CSNK1D: variants seen among roughly 807,000 people sequenced by gnomAD.
CSNK1D encodes the protein casein kinase 1 delta.
In CSNK1D, 16 loss-of-function variants were observed where a neutral mutation model predicts 46.6. That is an observed-to-expected ratio of 0.34 (90% CI 0.23 to 0.52). The LOEUF (loss-of-function observed/expected upper bound fraction) is 0.52, where lower values mean the gene tolerates loss of function less well. Ranked by LOEUF, CSNK1D falls within the 20% of genes least tolerant of loss-of-function variation. CSNK1D has a pLI of 0.95. For synonymous variants in CSNK1D, 276 were observed against 228.2 expected, an observed-to-expected ratio of 1.21 and a Z score of -1.89; for missense variants, 398 against 578.4, an observed-to-expected ratio of 0.69 and a Z score of 3.20.
In CSNK1D at chr17:82,244,679, A is replaced by G; in HGVS notation, c.*102T>C. 6.3e-7 allele frequency: 1 copy of G among 1,593,882 alleles called. No homozygotes were observed. The highest frequency in any genetic ancestry group is 1.3e-5 in the African/African-American group (1 of 74,846). On this transcript the variant is annotated 3_prime_UTR_variant, in exon 9 of 9. Transcript: ENST00000314028. ...GTGGCCTGGAGAGCTCCCGGTGTTA[A>G]CATTTCGATCCTAGACCGGGGGACG...
chr17:82,241,140 G>A (rs982275457), downstream of CSNK1D, among the ~76,000 whole-genome samples: 1 of 152,170 alleles, frequency 6.6e-6, no homozygotes, highest in Non-Finnish European at 1.5e-5. Flanking sequence ...GGGGGGCAGA[G>A]GGCGCACAGA....
intron 2 of CSNK1D, among the ~76,000 whole-genome samples, chr17:82,261,501 A>AT (rs2051339125): frequency 6.6e-6 from 1 of 152,258 alleles, no homozygotes; most frequent in African/African-American, 2.4e-5. Context: ...GGGACTGAGC[A>AT]TTAATGCAAA....
chr17:82,244,201 T>G lies in CSNK1D; in HGVS notation c.*580A>C, dbSNP rs1170020643. 1 of 1,022,792 alleles carries G rather than the reference T, an allele frequency of 9.8e-7. No homozygotes were observed. Among genetic ancestry groups the G allele is most frequent in the African/African-American group, 1.7e-5 (1 of 58,280 alleles). 63.4% of individuals were successfully genotyped at this position (1,022,792 alleles called of 1,614,324 possible). ...CTCTCCAAAGCGGACAATAAAACACTGCAAAACAAACACAGCACACACCCT... is the reference window on the plus strand; with the variant it reads ...CTCTCCAAAGCGGACAATAAAACACGGCAAAACAAACACAGCACACACCCT... On this transcript the variant is annotated 3_prime_UTR_variant, in exon 9 of 9. Transcript: ENST00000314028.
Position 82,248,818 on chromosome 17 carries a change from CTT to C in CSNK1D, c.1197+55_1197+56del, listed in dbSNP as rs898454839. ...AGCCCTGGAGAAACCACAGCCCGCTCTTGACTCGGACGGGGTAGCCCGAGGCC... is the reference window on the plus strand; with the variant it reads ...AGCCCTGGAGAAACCACAGCCCGCTCGACTCGGACGGGGTAGCCCGAGGCC... On this transcript the variant is annotated intron_variant, in intron 8 of 8. Coordinates refer to ENST00000314028, the MANE Select transcript of CSNK1D (RefSeq NM_001893.6). This position sits in a 1 kb window ranked among gnomAD's most constrained non-coding sequence, Gnocchi z 4.1. 6.3e-6 allele frequency: 10 copies of C among 1,578,902 alleles called. No homozygotes were observed. The highest frequency in any genetic ancestry group is 5.3e-5 in the Admixed American group (3 of 56,412).
intron 1 of CSNK1D, 28 bp from the exon 2 acceptor site, chr17:82,265,824 GA>G: frequency 6.5e-7 from 1 of 1,543,656 alleles, no homozygotes; most frequent in Non-Finnish European, 9.0e-7. Context: ...ACCACAACAG[GA>G]ATTACCTGGT....
At position 82,249,022 on chromosome 17, in the gene CSNK1D, CAG is replaced by C; in HGVS notation, c.1058-10_1058-9del. The C allele has an allele frequency of 1.9e-6, 3 of 1,554,916 alleles. No homozygotes were observed. Among genetic ancestry groups the C allele is most frequent in the Non-Finnish European group, 2.6e-6 (3 of 1,148,730 alleles). On this transcript the variant is annotated splice_polypyrimidine_tract_variant and intron_variant, in intron 7 of 8. Transcript: ENST00000314028. The surrounding 1 kb of genome is among the most constrained non-coding windows in gnomAD (Gnocchi z 6.7). ...GCCGGGGGGAGGTGTTAGCTGAGGACAGGGAGAGAAACGGAGTGGGCCGCCCC... is the reference window on the plus strand; with the variant it reads ...GCCGGGGGGAGGTGTTAGCTGAGGACGGAGAGAAACGGAGTGGGCCGCCCC...
In CSNK1D at chr17:82,249,333, T is replaced by TA. The variant is rs1823166386; in HGVS notation, c.1057+97dup. 3.9e-6 allele frequency: 5 copies of TA among 1,267,456 alleles called. No individual in the cohort carries two copies. The highest frequency in any genetic ancestry group is 4.0e-5 in the Admixed American group (2 of 49,400). The allele number at this position is 1,267,456 out of a possible 1,614,324, so 78.5% of individuals were successfully genotyped here. On this transcript the variant is annotated intron_variant, in intron 7 of 8. Coordinates refer to ENST00000314028, the MANE Select transcript of CSNK1D (RefSeq NM_001893.6). The surrounding 1 kb of genome is among the most constrained non-coding windows in gnomAD (Gnocchi z 6.7). ...CGAGCATCGCCTGACACAGGGCACT[T>TA]AGTGTCCACCACCAAGTACCCTGTT... is the stretch of plus-strand genomic sequence containing the variant.
downstream of CSNK1D, chr17:82,242,603 C>G (rs2050756672): frequency 1.0e-6 from 1 of 965,130 alleles, no homozygotes; most frequent in South Asian, 4.8e-5. Flanking sequence ...TCACACAGTT[C>G]ACCTCAACAC....
Position 82,244,896 on chromosome 17 carries a change from A to C in CSNK1D, c.1198-65T>G. 5 of 1,607,528 alleles carry C rather than the reference A, an allele frequency of 3.1e-6. No homozygotes were observed. In the South Asian group the frequency reaches 4.4e-5, roughly 14 times the overall value. On this transcript the variant is annotated intron_variant, in intron 8 of 8. Coordinates refer to ENST00000314028, the MANE Select transcript of CSNK1D (RefSeq NM_001893.6). Reference sequence around the variant, plus strand: ...TGGGGGAGCCGGCCAGGCAGATACCACAGTGACGGTGCTGGGCAGGGAGGG... The same window carrying C: ...TGGGGGAGCCGGCCAGGCAGATACCCCAGTGACGGTGCTGGGCAGGGAGGG...
At position 82,248,919 on chromosome 17, in the gene CSNK1D, C is replaced by A; in HGVS notation, c.1153G>T (p.Asp385Tyr). ...RGAPVNISSS[D>Y]LTGRQDTSRM... ...GAGGTATCTTGTCGGCCTGTGAGGT[C>A]GGACGAGGAGATGTTGACGGGGGCC... is the stretch of plus-strand genomic sequence containing the variant. Residue 385 changes from aspartate (D) to tyrosine (Y), a missense_variant, in exon 8 of 9, where the codon GAC becomes TAC. Transcript: ENST00000314028. This position sits in a 1 kb window ranked among gnomAD's most constrained non-coding sequence, Gnocchi z 4.1. 6.2e-7 allele frequency: 1 copy of A among 1,609,182 alleles called. No homozygotes were observed. The highest frequency in any genetic ancestry group is 8.5e-7 in the Non-Finnish European group (1 of 1,177,470).
At chr17:82,261,616 T>G (rs1005407431) in intron 2 of CSNK1D, among the ~76,000 whole-genome samples, 3 of 152,188 alleles carry the variant, frequency 2.0e-5, no homozygotes, top group Non-Finnish European at 4.4e-5. Context: ...AAGTTTCTTG[T>G]AGGATGACAA....
intron 8 of CSNK1D, chr17:82,245,560 C>T (rs559461522): frequency 2.2e-5 from 6 of 275,536 alleles, no homozygotes; most frequent in East Asian, 9.6e-5. Flanking sequence ...CAACACCAAG[C>T]GTGGAGCCAC....
In CSNK1D at chr17:82,244,144, A is replaced by G. The variant is rs750424709; in HGVS notation, c.*637T>C. 17 of 1,004,062 alleles carry G rather than the reference A, an allele frequency of 1.7e-5. No homozygotes were observed. Among genetic ancestry groups the G allele is most frequent in the Non-Finnish European group, 2.0e-5 (17 of 839,828 alleles). 62.2% of individuals were successfully genotyped at this position (1,004,062 alleles called of 1,614,324 possible). ...GAGGTCCCACCACACACGGGCACAC[A>G]CACACACCACGGACTTTTGATGAGA... On this transcript the variant is annotated 3_prime_UTR_variant, in exon 9 of 9. Transcript: ENST00000314028.
At position 82,255,544 on chromosome 17, in the gene CSNK1D, T is replaced by C; in HGVS notation, c.221A>G (p.Glu74Gly). Residue 74 changes from glutamate (E) to glycine (G), a missense_variant, in exon 3 of 9, where the codon GAG becomes GGG. Coordinates refer to ENST00000314028, the MANE Select transcript of CSNK1D (RefSeq NM_001893.6). This position sits in a 1 kb window ranked among gnomAD's most constrained non-coding sequence, Gnocchi z 5.9. ...CATCACCATGACGTTGTAGTCCCCCTCTGCCCCGCACCATCTGATGGTGGG... is the reference window on the plus strand; with the variant it reads ...CATCACCATGACGTTGTAGTCCCCCCCTGCCCCGCACCATCTGATGGTGGG... ...GIPTIRWCGAEGDYNVMVMEL... is the reference protein window; with the variant it reads ...GIPTIRWCGAGGDYNVMVMEL... The C allele has an allele frequency of 1.9e-6, 3 of 1,614,098 alleles. No homozygotes were observed. The highest frequency in any genetic ancestry group is 1.3e-5 in the African/African-American group (1 of 75,018).
chr17:82,265,946 G>A (rs902177515), intron 1 of CSNK1D, 150 bp from the exon 2 acceptor site: 12 of 738,266 alleles, frequency 1.6e-5, no homozygotes, highest in African/African-American at 3.4e-5. Flanking sequence ...CGGGCTAATC[G>A]GCTGACACAT....
Position 82,253,208 on chromosome 17 carries a change from T to C in CSNK1D, c.373A>G (p.Ile125Val), listed in dbSNP as rs1169472812. The change falls in exon 4 of 9, where the codon ATC (isoleucine) becomes GTC (valine). Residue 125 changes from isoleucine (I) to valine (V), a missense_variant. Ile to Val is a conservative substitution (Grantham distance 29). Coordinates refer to ENST00000314028, the MANE Select transcript of CSNK1D (RefSeq NM_001893.6). The part of the protein sequence containing the change: ...RIEYIHSKNF[I>V]HRDVKPDNFL... The stretch of plus-strand genomic sequence containing the variant: ...TTGTCTGGCTTCACATCCCGGTGGA[T>C]GAAGTTCTTTGAATGAATGTATTCG... 1 of 1,614,052 alleles carries C rather than the reference T, an allele frequency of 6.2e-7. No homozygotes were observed. Among genetic ancestry groups the C allele is most frequent in the South Asian group, 1.1e-5 (1 of 91,072 alleles).
rs1255644017 is a variant in CSNK1D at position 82,250,959 on chromosome 17, GGTCA to G, written c.885+416_885+419del. ...CACAGGGAAAATCAGCTCATGACAG[GGTCA>G]GTCAGGCTAGACGGGTAGCACCTCA... On this transcript the variant is annotated intron_variant, in intron 6 of 8. Coordinates refer to ENST00000314028, the MANE Select transcript of CSNK1D (RefSeq NM_001893.6). The surrounding 1 kb of genome is among the most constrained non-coding windows in gnomAD (Gnocchi z 4.6). 1 of 280,610 alleles carries G rather than the reference GGTCA, an allele frequency of 3.6e-6. No individual in the cohort carries two copies. The highest frequency in any genetic ancestry group is 7.0e-6 in the Non-Finnish European group (1 of 143,016). 17.4% of individuals were successfully genotyped at this position (280,610 alleles called of 1,614,324 possible). A position where few individuals can be genotyped will look rare whatever the true frequency, so the allele number is the denominator to read the frequency against.
Position 82,250,066 on chromosome 17 carries a change from C to T in CSNK1D, c.886-464G>A. 2 of 1,284,900 alleles carry T rather than the reference C, an allele frequency of 1.6e-6. No individual in the cohort carries two copies. Among genetic ancestry groups the T allele is most frequent in the South Asian group, 2.5e-5 (2 of 80,586 alleles). The allele number at this position is 1,284,900 out of a possible 1,614,324, so 79.6% of individuals were successfully genotyped here. ...ACACTCAGGGTCCGGACCCTGCAGC[C>T]TCCAACAGCCTGTGCAGGTGTGGTG... On this transcript the variant is annotated intron_variant, in intron 6 of 8. Transcript: ENST00000314028. This position sits in a 1 kb window ranked among gnomAD's most constrained non-coding sequence, Gnocchi z 4.6.
At chr17:82,241,084 C>T (rs1428486838), downstream of CSNK1D, among the ~76,000 whole-genome samples, 1 of 151,944 alleles carries the variant, frequency 6.6e-6, no homozygotes, top group Non-Finnish European at 1.5e-5. Flanking sequence ...GATCCCCTGA[C>T]CAGAGACACG....
Sources: gnomAD v4.1 joint callset for allele counts (sites outside exome capture counted in the v4.1 genomes callset) on GRCh38, gnomAD v4.1.1 for gene constraint, Gnocchi (gnomAD v3.1) non-coding constraint, MANE v1.5 for transcripts, NCBI Gene and HGNC (gene_info 2026-07-23, HGNC 2026-07-21) for gene names.